The following LCORL variants were observed in gnomAD, a reference collection of about 807,000 sequenced individuals.
LCORL encodes the protein ligand dependent nuclear receptor corepressor like, also known as ligand-dependent nuclear receptor corepressor-like protein.
Under a neutral mutation model 141.8 loss-of-function variants are expected in LCORL, and 41 were observed. The observed-to-expected ratio is 0.29, with a 90% CI of 0.23 to 0.38. The LOEUF (loss-of-function observed/expected upper bound fraction) is 0.38. Ranked by LOEUF, LCORL falls within the 10% of genes least tolerant of loss-of-function variation. The probability of loss-of-function intolerance (pLI) is 1.00; values close to 1 mark genes in which losing one functional copy is unlikely to be tolerated. For missense variants in LCORL, 1,759 were observed against 2,035.0 expected (o/e 0.86, Z 2.61); for synonymous variants, 618 against 694.1 (o/e 0.89, Z 1.72).
intron 7 of LCORL, among the ~76,000 whole-genome samples, chr4:17,864,879 G>A (rs939200513): frequency 6.6e-6 from 1 of 152,180 alleles, no homozygotes; most frequent in African/African-American, 2.4e-5. Context: ...AGATTTCAGA[G>A]TAAGGAACAT....
intron 6 of LCORL, among the ~76,000 whole-genome samples, chr4:17,885,648 G>A (rs1352312679): frequency 6.6e-6 from 1 of 151,824 alleles, no homozygotes; most frequent in Non-Finnish European, 1.5e-5. Context: ...CACATCTAAA[G>A]TGCAATAAAA....
chr4:17,892,196 T>C (rs1430434012), intron 5 of LCORL, among the ~76,000 whole-genome samples: 2 of 144,704 alleles, frequency 1.4e-5, no homozygotes, highest in African/African-American at 2.7e-5. Context: ...AGTCAAATAG[T>C]ATTTTTTTTT....
chr4:17,993,075 A>G (rs1341715160), intron 1 of LCORL, among the ~76,000 whole-genome samples: 2 of 152,252 alleles, frequency 1.3e-5, no homozygotes, highest in Admixed American at 1.3e-4. Flanking sequence ...AACAGCATGT[A>G]TAAAGACACA....
intron 6 of LCORL, among the ~76,000 whole-genome samples, chr4:17,879,189 A>G (rs1727248112): frequency 6.6e-6 from 1 of 151,172 alleles, no homozygotes; most frequent in South Asian, 2.1e-4. Flanking sequence ...ATGCAGAATT[A>G]TGCTCATCTA....
chr4:17,846,814 C>T (rs558994911), intron 7 of LCORL, among the ~76,000 whole-genome samples: 3 of 152,292 alleles, frequency 2.0e-5, no homozygotes, highest in Non-Finnish European at 4.4e-5. Context: ...CTAATCCAAT[C>T]TCACATCTCT....
At chr4:17,874,669 T>G in exon 7 of LCORL, 5 of 1,233,844 alleles carry the variant, frequency 4.1e-6, no homozygotes, top group Non-Finnish European at 5.1e-6. Context: ...TCAAATCTAT[T>G]GTTTAATTCC....
intron 1 of LCORL, among the ~76,000 whole-genome samples, chr4:17,982,531 CTGAGCT>C (rs2109730344): frequency 6.6e-6 from 1 of 152,196 alleles, no homozygotes; most frequent in East Asian, 1.9e-4. Flanking sequence ...ATCAGTGATA[CTGAGCT>C]TGTTTTCATA....
intron 2 of LCORL, among the ~76,000 whole-genome samples, chr4:17,972,132 A>G (rs942912294): frequency 2.6e-5 from 4 of 151,862 alleles, no homozygotes; most frequent in African/African-American, 9.7e-5. Context: ...AAATATGTTG[A>G]CCTTACAGGT....
At chr4:17,973,501 C>T (rs943266548) in intron 1 of LCORL, among the ~76,000 whole-genome samples, 9 of 151,790 alleles carry the variant, frequency 5.9e-5, no homozygotes, top group Non-Finnish European at 1.2e-4. Context: ...TCTGGATATA[C>T]TAGTTTTAAG....
intron 7 of LCORL, among the ~76,000 whole-genome samples, chr4:17,868,445 TC>T: frequency 6.6e-6 from 1 of 152,166 alleles, no homozygotes; most frequent in Non-Finnish European, 1.5e-5. Context: ...GTTATTTGAT[TC>T]TTAAAAGTTT....
chr4:17,947,802 TTTC>T (rs1202305669), intron 4 of LCORL, among the ~76,000 whole-genome samples: 2 of 152,022 alleles, frequency 1.3e-5, no homozygotes, highest in East Asian at 3.8e-4. Flanking sequence ...TAGGTTTTAG[TTTC>T]TTATTATCCT....
chr4:17,968,072 G>A (rs974019670), intron 2 of LCORL, among the ~76,000 whole-genome samples: 5 of 151,966 alleles, frequency 3.3e-5, no homozygotes, highest in Admixed American at 2.0e-4. Context: ...TGGCCAGGCC[G>A]GTTTCAAGCT....
intron 4 of LCORL, among the ~76,000 whole-genome samples, chr4:17,960,773 C>T (rs907039134): frequency 3.9e-5 from 6 of 152,028 alleles, no homozygotes; most frequent in African/African-American, 1.4e-4. Context: ...ATTTTTAACA[C>T]TGTACTAAAA....
At chr4:17,905,511 T>C (rs1731468923) in intron 5 of LCORL, among the ~76,000 whole-genome samples, 1 of 152,104 alleles carries the variant, frequency 6.6e-6, no homozygotes, top group Admixed American at 6.6e-5. Flanking sequence ...TTGTCTGGTT[T>C]TCGTATCAAG....
chr4:18,010,287 A>T (rs1723494444), intron 1 of LCORL, among the ~76,000 whole-genome samples: 1 of 152,176 alleles, frequency 6.6e-6, no homozygotes, highest in Non-Finnish European at 1.5e-5. Context: ...TAATTTAAAA[A>T]GAAGAAAAAA....
chr4:17,853,257 A>AT (rs1399468696), intron 7 of LCORL, among the ~76,000 whole-genome samples: 2 of 151,940 alleles, frequency 1.3e-5, no homozygotes, highest in Non-Finnish European at 2.9e-5. Context: ...CCATTTTTCT[A>AT]TTCTTCAGAA....
chr4:17,842,170 G>A (rs1480180710), exon 8 of LCORL: 2 of 623,470 alleles, frequency 3.2e-6, no homozygotes, highest in African/African-American at 3.7e-5. Flanking sequence ...CTGGTACCAA[G>A]ATGGCTAGAA....
intron 7 of LCORL, among the ~76,000 whole-genome samples, chr4:17,868,013 T>TA (rs1003860285): frequency 1.3e-5 from 2 of 152,116 alleles, no homozygotes; most frequent in African/African-American, 4.8e-5. Flanking sequence ...GGGTTGGGTG[T>TA]AAAAAAATTC....
chr4:18,001,776 A>C (rs532867986), intron 1 of LCORL, among the ~76,000 whole-genome samples: 1 of 152,354 alleles, frequency 6.6e-6, no homozygotes, highest in South Asian at 2.1e-4. Context: ...AATTCACTAC[A>C]AAATCACAAT....
Sources: gnomAD v4.1 joint callset for allele counts (sites outside exome capture counted in the v4.1 genomes callset) on GRCh38, gnomAD v4.1.1 for gene constraint, MANE v1.5 for transcripts, NCBI Gene and HGNC (gene_info 2026-07-23, HGNC 2026-07-21) for gene names.